The following SLCO1B3 variants were observed in gnomAD, a reference collection of about 807,000 sequenced individuals.
SLCO1B3 encodes the protein solute carrier organic anion transporter family member 1B3.
A neutral mutation model predicts 71.8 loss-of-function variants in SLCO1B3; 72 were observed. That is an observed-to-expected ratio of 1.00 (90% CI 0.83 to 1.22). The LOEUF is 1.22. Among genes scored for constraint, SLCO1B3 ranks in the 50% most tolerant of loss-of-function variants. SLCO1B3 has a pLI of 0.00. For missense variants in SLCO1B3, 911 were observed against 819.7 expected (o/e 1.11, Z -1.36); for synonymous variants, 298 against 278.4 (o/e 1.07, Z -0.70).
At chr12:20,817,309 A>G (rs1864209611) in intron 3 of SLCO1B3, among the ~76,000 whole-genome samples, 2 of 152,132 alleles carry the variant, frequency 1.3e-5, no homozygotes, top group African/African-American at 2.4e-5. Flanking sequence ...AGTTTCCCCA[A>G]TATTTTATTG....
intron 15 of SLCO1B3, among the ~76,000 whole-genome samples, chr12:20,910,737 T>C (rs1201206738): frequency 6.6e-6 from 1 of 152,190 alleles, no homozygotes; most frequent in Non-Finnish European, 1.5e-5. Context: ...GTAATGTATT[T>C]TTAATTTCAA....
chr12:20,837,684 A>G (rs1206912787), intron 3 of SLCO1B3, among the ~76,000 whole-genome samples: 1 of 151,814 alleles, frequency 6.6e-6, no homozygotes, highest in Non-Finnish European at 1.5e-5. Context: ...AAATGCTATC[A>G]CTTCTTTTTG....
At position 20,877,020 on chromosome 12, in the gene SLCO1B3, G is replaced by A. The variant is rs149750161; in HGVS notation, c.971-752G>A. 1.8e-3 allele frequency among the ~76,000 whole-genome samples: 280 copies of A among 152,088 alleles called. 2 individuals carry two copies. Among genetic ancestry groups the A allele is most frequent in the African/African-American group, 6.2e-3 (258 of 41,512 alleles). ...TAATTTTTTGTATTTTTGTAGAGAC[G>A]GGGTTTCACCGTGTTGGCCAGGCTG... On this transcript the variant is annotated intron_variant, in intron 9 of 15. Transcript: ENST00000381545.
At position 20,821,487 on chromosome 12, in the gene SLCO1B3, G is replaced by C. The variant is rs554747129; in HGVS notation, c.84+5665G>C. Among the ~76,000 whole-genome samples, 7 of 152,268 alleles carry C rather than the reference G, an allele frequency of 4.6e-5. No homozygotes were observed. The South Asian group carries it at 1.5e-3, about 32-fold the overall frequency. On this transcript the variant is annotated intron_variant, in intron 3 of 15. Coordinates refer to ENST00000381545, the MANE Select transcript of SLCO1B3 (RefSeq NM_019844.4). Reference sequence around the variant, plus strand: ...CCATAGTGAAGGAGGCAAGCCCAGAGAAAAGAGTAGAGACACGGAGAAGTG... The same window carrying C: ...CCATAGTGAAGGAGGCAAGCCCAGACAAAAGAGTAGAGACACGGAGAAGTG...
At chr12:20,898,653 C>T (rs75272583) in intron 14 of SLCO1B3, among the ~76,000 whole-genome samples, 153 bp downstream of exon 14, 140 of 152,018 alleles carry the variant, frequency 9.2e-4, no homozygotes, top group Admixed American at 1.4e-3. Flanking sequence ...TAAAAAGGAA[C>T]GGGAAAATTG....
At chr12:20,811,724 T>C (rs1353391302) in intron 1 of SLCO1B3, among the ~76,000 whole-genome samples, 5 of 152,124 alleles carry the variant, frequency 3.3e-5, no homozygotes, top group Non-Finnish European at 7.4e-5. Flanking sequence ...TATAAACATA[T>C]TGTGTCCTCA....
chr12:20,824,205 T>C (rs1378266253), intron 3 of SLCO1B3, among the ~76,000 whole-genome samples: 2 of 152,210 alleles, frequency 1.3e-5, no homozygotes, highest in African/African-American at 2.4e-5. Context: ...GAAAGTTTTC[T>C]TGACTCTGAA....
Position 20,821,687 on chromosome 12 carries a change from G to C in SLCO1B3, c.84+5865G>C, listed in dbSNP as rs183094950. ...CAGAGAAGGGGTAGAGACATGGAGA[G>C]AAGGGGTTGGGGTACTTGCCCCTCC... is the stretch of plus-strand genomic sequence containing the variant. On this transcript the variant is annotated intron_variant, in intron 3 of 15. Coordinates refer to ENST00000381545, the MANE Select transcript of SLCO1B3 (RefSeq NM_019844.4). Among the ~76,000 whole-genome samples the C allele has an allele frequency of 1.1e-3, 164 of 152,168 alleles. 4 individuals carry two copies. The South Asian group carries it at 0.033, about 31-fold the overall frequency.
intron 3 of SLCO1B3, among the ~76,000 whole-genome samples, chr12:20,820,198 C>T (rs1864267625): frequency 6.6e-6 from 1 of 152,060 alleles, no homozygotes; most frequent in Admixed American, 6.5e-5. Flanking sequence ...GACTTACCCT[C>T]CACTGTGAGA....
At chr12:20,815,642 TAA>T in intron 2 of SLCO1B3, 30 bp from the exon 3 acceptor site, 1 of 762,014 alleles carries the variant, frequency 1.3e-6, no homozygotes, top group Non-Finnish European at 2.2e-6. Context: ...ATTGTTAAAG[TAA>T]AATAAATTAT....
chr12:20,820,643 G>A (rs1864280936), intron 3 of SLCO1B3, among the ~76,000 whole-genome samples: 1 of 152,172 alleles, frequency 6.6e-6, no homozygotes, highest in Non-Finnish European at 1.5e-5. Flanking sequence ...CTGTTATGGG[G>A]TTTGAGGGCC....
chr12:20,889,024 C>T (rs971841590), intron 13 of SLCO1B3, among the ~76,000 whole-genome samples: 3 of 150,198 alleles, frequency 2.0e-5, no homozygotes, highest in East Asian at 1.9e-4. Flanking sequence ...ACCATCCTTG[C>T]ATTTCAGGAA....
intron 8 of SLCO1B3, among the ~76,000 whole-genome samples, chr12:20,864,700 C>A (rs1270831090): frequency 6.6e-6 from 1 of 152,068 alleles, no homozygotes; most frequent in East Asian, 1.9e-4. Flanking sequence ...ATAAGCACAC[C>A]ATTTTAGAAT....
At chr12:20,852,342 A>G (rs931833296) in intron 3 of SLCO1B3, among the ~76,000 whole-genome samples, 16 of 152,102 alleles carry the variant, frequency 1.1e-4, no homozygotes, top group African/African-American at 3.9e-4. Context: ...AGTTAGGCAT[A>G]GTGGTGCACA....
intron 8 of SLCO1B3, among the ~76,000 whole-genome samples, chr12:20,867,352 G>C (rs1865392636): frequency 6.6e-6 from 1 of 151,484 alleles, no homozygotes; most frequent in Non-Finnish European, 1.5e-5. Flanking sequence ...TTCTACTGGA[G>C]AAAACTGTCC....
At chr12:20,817,607 A>T (rs954790058) in intron 3 of SLCO1B3, among the ~76,000 whole-genome samples, 12 of 151,634 alleles carry the variant, frequency 7.9e-5, no homozygotes, top group Non-Finnish European at 4.4e-5. Flanking sequence ...TTTTTTTTTG[A>T]GATGGAGTCT....
chr12:20,846,510 A>C (rs1041432690), intron 3 of SLCO1B3, among the ~76,000 whole-genome samples: 1 of 152,236 alleles, frequency 6.6e-6, no homozygotes, highest in African/African-American at 2.4e-5. Context: ...GCAAACATTC[A>C]GTCCTTAACA....
chr12:20,818,451 A>G (rs1362547036), intron 3 of SLCO1B3, among the ~76,000 whole-genome samples: 1 of 151,902 alleles, frequency 6.6e-6, no homozygotes, highest in African/African-American at 2.4e-5. Context: ...GCCTCTACCT[A>G]TCTAGTGAAA....
At chr12:20,880,601 A>T (rs1360376957) in intron 11 of SLCO1B3, among the ~76,000 whole-genome samples, 1 of 152,038 alleles carries the variant, frequency 6.6e-6, no homozygotes, top group East Asian at 1.9e-4. Context: ...TACTTTTTCT[A>T]GGTCATAAGT....
Sources: gnomAD v4.1 joint callset for allele counts (sites outside exome capture counted in the v4.1 genomes callset) on GRCh38, gnomAD v4.1.1 for gene constraint, MANE v1.5 for transcripts, NCBI Gene and HGNC (gene_info 2026-07-23, HGNC 2026-07-21) for gene names.